The following ADAMTS14 variants were observed in gnomAD, a reference collection of about 807,000 sequenced individuals.
The protein encoded by ADAMTS14 is ADAM metallopeptidase with thrombospondin type 1 motif 14.
Under a neutral mutation model 128.6 loss-of-function variants are expected in ADAMTS14, and 100 were observed. The ratio of observed to expected loss-of-function variants is 0.78; its 90% CI spans 0.66 to 0.92. The LOEUF is 0.92. ADAMTS14 is among the 40% of genes least tolerant of loss of function. The pLI is 0.00. For missense variants in ADAMTS14, 1,562 were observed against 1,658.6 expected (o/e 0.94, Z 1.01); for synonymous variants, 665 against 653.8 (o/e 1.02, Z -0.26).
At chr10:70,738,075 T>C (rs1841882072) in intron 10 of ADAMTS14, among the ~76,000 whole-genome samples, 1 of 110,314 alleles carries the variant, frequency 9.1e-6, no homozygotes, top group South Asian at 3.3e-4. Context: ...AGATCAGGCA[T>C]CTGAAGTTGT....
Position 70,760,393 on chromosome 10 carries a change from G to A in ADAMTS14, c.3212G>A (p.Cys1071Tyr), listed in dbSNP as rs767768270. 3 of 1,599,660 alleles carry A rather than the reference G, an allele frequency of 1.9e-6. No homozygotes were observed. Among genetic ancestry groups the A allele is most frequent in the African/African-American group, 1.3e-5 (1 of 74,712 alleles). ...EPCTGDRSVF[C>Y]QMEVLDRYCS... ...TGCACGGGAGACAGGTCTGTCTTCT[G>A]CCAGATGGAAGTGCTCGATCGCTAC... The change falls in exon 22 of 22, where the codon TGC becomes TAC. Residue 1071 changes from cysteine to tyrosine, a missense_variant. Transcript: ENST00000373207.
Position 70,683,513 on chromosome 10 carries a change from T to A in ADAMTS14, c.522+8518T>A, listed in dbSNP as rs956038542. Among the ~76,000 whole-genome samples the A allele has an allele frequency of 4.6e-5, 7 of 152,154 alleles. No individual in the cohort carries two copies. The East Asian group carries it at 1.4e-3, about 29-fold the overall frequency. On this transcript the variant is annotated intron_variant, in intron 2 of 21. Coordinates refer to ENST00000373207, the MANE Select transcript of ADAMTS14 (RefSeq NM_080722.4). ...CCTGGAGGACACAGAGGGGCTGTGGTCTGCATGGGAGTGTCTTGATCCCAG... is the reference window on the plus strand; with the variant it reads ...CCTGGAGGACACAGAGGGGCTGTGGACTGCATGGGAGTGTCTTGATCCCAG...
chr10:70,694,324 G>A (rs548931556), intron 2 of ADAMTS14, among the ~76,000 whole-genome samples: 4 of 152,254 alleles, frequency 2.6e-5, no homozygotes, highest in African/African-American at 4.8e-5. Context: ...CATGTTTCTC[G>A]TCTCCATGCA....
chr10:70,698,058 A>G (rs1315655139), intron 2 of ADAMTS14, among the ~76,000 whole-genome samples: 1 of 152,194 alleles, frequency 6.6e-6, no homozygotes. Context: ...ACAAGGGCCT[A>G]TGGGTATGTG....
intron 16 of ADAMTS14, among the ~76,000 whole-genome samples, chr10:70,750,741 A>C (rs971118817): frequency 6.6e-6 from 1 of 152,168 alleles, no homozygotes; most frequent in African/African-American, 2.4e-5. Context: ...AAGGCCATTC[A>C]ATGGGGAAAG....
chr10:70,714,974 A>G (rs1840992650), intron 4 of ADAMTS14, among the ~76,000 whole-genome samples: 1 of 149,260 alleles, frequency 6.7e-6, no homozygotes, highest in Non-Finnish European at 1.5e-5. Context: ...AAAAAAAAAG[A>G]AACAAAACCT....
In ADAMTS14 at chr10:70,732,236, T is replaced by C. The variant is rs1299504137; in HGVS notation, c.1103-18T>C. 1.9e-6 allele frequency: 3 copies of C among 1,611,426 alleles called. No individual in the cohort carries two copies. The highest frequency in any genetic ancestry group is 3.3e-5 in the Admixed American group (2 of 59,996). ...GCCCTCCACCTCGCTCTCCACCTTT[T>C]CTTTCTCTCTTCGGCAGGGTATGCA... On this transcript the variant is annotated intron_variant, in intron 6 of 21. Coordinates refer to ENST00000373207, the MANE Select transcript of ADAMTS14 (RefSeq NM_080722.4).
chr10:70,674,522 T>A (rs2132521057), intron 1 of ADAMTS14, 34 bp from the exon 2 acceptor site: 3 of 1,586,760 alleles, frequency 1.9e-6, no homozygotes, highest in Non-Finnish European at 2.6e-6. Flanking sequence ...CTGAACCGAC[T>A]GCATTGAAGT....
At chr10:70,706,013 C>T (rs1357764840) in intron 3 of ADAMTS14, among the ~76,000 whole-genome samples, 1 of 152,216 alleles carries the variant, frequency 6.6e-6, no homozygotes, top group African/African-American at 2.4e-5. Context: ...AAAGCAGCTG[C>T]ACCATTTTAC....
chr10:70,755,001 C>T (rs1264071293), intron 19 of ADAMTS14, among the ~76,000 whole-genome samples: 2 of 152,146 alleles, frequency 1.3e-5, no homozygotes, highest in African/African-American at 2.4e-5. Flanking sequence ...ACAAGCCAAG[C>T]TGGATGCAGT....
chr10:70,732,649 G>A (rs1206242579), intron 7 of ADAMTS14, among the ~76,000 whole-genome samples: 1 of 152,224 alleles, frequency 6.6e-6, no homozygotes, highest in Non-Finnish European at 1.5e-5. Flanking sequence ...CTTTGGGTGG[G>A]TCAGTGGCAG....
intron 19 of ADAMTS14, among the ~76,000 whole-genome samples, chr10:70,754,607 C>A (rs2132750718): frequency 6.6e-6 from 1 of 152,238 alleles, no homozygotes; most frequent in South Asian, 2.1e-4. Context: ...CAGAAGCCAA[C>A]AGGACAGTGG....
chr10:70,761,863 G>T lies in ADAMTS14; in HGVS notation c.*1010G>T, dbSNP rs1217950861. On this transcript the variant is annotated 3_prime_UTR_variant, in exon 22 of 22. Coordinates refer to ENST00000373207, the MANE Select transcript of ADAMTS14 (RefSeq NM_080722.4). Reference sequence around the variant, plus strand: ...GCCAGAGTGTGTGGTTCTCCCAGGGGTGGTTGGACCCCAGGACTGAGGACC... The same window carrying T: ...GCCAGAGTGTGTGGTTCTCCCAGGGTTGGTTGGACCCCAGGACTGAGGACC... The T allele has an allele frequency of 1.3e-5, 2 of 152,342 alleles. No individual in the cohort carries two copies. The highest frequency in any genetic ancestry group is 2.9e-5 in the Non-Finnish European group (2 of 68,046). 9.4% of individuals were successfully genotyped at this position (152,342 alleles called of 1,614,324 possible).
At chr10:70,699,541 G>A (rs1840433711) in intron 2 of ADAMTS14, among the ~76,000 whole-genome samples, 2 of 152,126 alleles carry the variant, frequency 1.3e-5, no homozygotes, top group African/African-American at 4.8e-5. Flanking sequence ...GGTTGTCAAA[G>A]TATAATGCCT....
chr10:70,741,704 G>A (rs539899920), intron 12 of ADAMTS14, among the ~76,000 whole-genome samples: 16 of 152,112 alleles, frequency 1.1e-4, no homozygotes, highest in East Asian at 5.8e-4. Context: ...TCTTCATAAC[G>A]ACTCTCTAGG....
chr10:70,722,657 C>A (rs902299389), intron 4 of ADAMTS14, among the ~76,000 whole-genome samples: 3 of 152,104 alleles, frequency 2.0e-5, no homozygotes, highest in Non-Finnish European at 4.4e-5. Flanking sequence ...AAAAACATAC[C>A]CCAAATCCCC....
At chr10:70,698,964 G>A (rs1421868268) in intron 2 of ADAMTS14, among the ~76,000 whole-genome samples, 1 of 152,102 alleles carries the variant, frequency 6.6e-6, no homozygotes, top group African/African-American at 2.4e-5. Flanking sequence ...TTTATGGGCT[G>A]TGCCCTGCCC....
chr10:70,757,861 C>T (rs1842513240), intron 19 of ADAMTS14, 101 bp from the exon 20 acceptor site: 5 of 1,481,296 alleles, frequency 3.4e-6, no homozygotes, highest in Non-Finnish European at 4.5e-6. Context: ...CCCTTTCTGT[C>T]CCCGGGCACT....
intron 1 of ADAMTS14, among the ~76,000 whole-genome samples, chr10:70,673,264 G>T (rs1355160667): frequency 8.1e-6 from 1 of 122,916 alleles, no homozygotes; most frequent in Non-Finnish European, 2.1e-5. Flanking sequence ...GGGTGCAAGG[G>T]GTGTGTGTGT....
Sources: allele counts gnomAD v4.1 joint callset (sites outside exome capture counted in the v4.1 genomes callset), GRCh38; gene constraint gnomAD v4.1.1; transcripts MANE v1.5; gene names NCBI Gene and HGNC (gene_info 2026-07-23, HGNC 2026-07-21).